PTK2B: variants seen among roughly 807,000 people sequenced by gnomAD.
PTK2B encodes the protein protein tyrosine kinase 2 beta, also known as protein-tyrosine kinase 2-beta.
In PTK2B, 71 loss-of-function variants were observed where a neutral mutation model predicts 142.9. The ratio of observed to expected loss-of-function variants is 0.50; its 90% confidence interval spans 0.41 to 0.61. The LOEUF (loss-of-function observed/expected upper bound fraction) is 0.61. Among genes scored for constraint, PTK2B ranks in the 20% least tolerant of loss-of-function variants. The pLI is 0.00. For synonymous variants in PTK2B, 519 were observed against 503.4 expected (o/e 1.03, Z -0.42); for missense variants, 1,105 against 1,320.4 (o/e 0.84, Z 2.53).
At chr8:27,415,123 G>A (rs561115915) in intron 2 of PTK2B, among the ~76,000 whole-genome samples, 2 of 152,226 alleles carry the variant, frequency 1.3e-5, no homozygotes, top group East Asian at 1.9e-4. Context: ...GCCAAGCACC[G>A]TTCTATGGAG....
intron 1 of PTK2B, among the ~76,000 whole-genome samples, chr8:27,368,645 C>G (rs1806159721): frequency 6.6e-6 from 1 of 152,242 alleles, no homozygotes; most frequent in African/African-American, 2.4e-5. Context: ...AGACACTTAG[C>G]AAACCCTCTG....
intron 1 of PTK2B, among the ~76,000 whole-genome samples, chr8:27,350,378 CCCAG>C (rs10555216): frequency 0.79 from 120,354 of 151,646 alleles, 48,409 homozygotes; most frequent in Middle Eastern, 0.87. Context: ...AGAGACTTCC[CCCAG>C]CCAGGCAATT....
At chr8:27,449,092 C>T (rs1811650831) in intron 24 of PTK2B, among the ~76,000 whole-genome samples, 1 of 152,158 alleles carries the variant, frequency 6.6e-6, no homozygotes, top group African/African-American at 2.4e-5. Context: ...TCGTACAATG[C>T]ACAGGAAATT....
At chr8:27,386,627 A>G (rs1049015503) in intron 1 of PTK2B, among the ~76,000 whole-genome samples, 5 of 152,142 alleles carry the variant, frequency 3.3e-5, no homozygotes, top group East Asian at 1.9e-4. Context: ...GTTTTATCCA[A>G]TTTGCATTAA....
intron 3 of PTK2B, among the ~76,000 whole-genome samples, chr8:27,314,440 TGTG>T (rs779909580): frequency 1.1e-4 from 16 of 152,102 alleles, no homozygotes; most frequent in Admixed American, 2.6e-4. Context: ...AACGGGCGCG[TGTG>T]GTGGTGTGCG....
intron 2 of PTK2B, among the ~76,000 whole-genome samples, chr8:27,411,644 T>C (rs1162946457): frequency 6.6e-6 from 1 of 152,242 alleles, no homozygotes; most frequent in African/African-American, 2.4e-5. Flanking sequence ...CCCTCGTTTG[T>C]ATGACTCCAA....
intron 1 of PTK2B, among the ~76,000 whole-genome samples, chr8:27,389,678 A>G (rs1807591215): frequency 1.3e-5 from 2 of 152,332 alleles, no homozygotes; most frequent in South Asian, 2.1e-4. Context: ...GTTTTGTATT[A>G]CATTCAATTA....
At chr8:27,355,456 C>T (rs528205535) in intron 1 of PTK2B, among the ~76,000 whole-genome samples, 69 of 152,202 alleles carry the variant, frequency 4.5e-4, no homozygotes, top group Middle Eastern at 6.8e-3. Context: ...AAGGATTCTC[C>T]CCTAGCACCC....
intron 22 of PTK2B, 22 bp from the exon 23 acceptor site, chr8:27,444,183 AC>A: frequency 6.3e-7 from 1 of 1,598,602 alleles, no homozygotes; most frequent in African/African-American, 1.3e-5. Context: ...ACAGAGACTG[AC>A]CCATCTGTGT....
chr8:27,376,950 G>A (rs538610538), intron 1 of PTK2B, among the ~76,000 whole-genome samples: 2 of 152,008 alleles, frequency 1.3e-5, no homozygotes, highest in African/African-American at 2.4e-5. Flanking sequence ...ATTCTTTCTT[G>A]TGTGAGATTC....
intron 1 of PTK2B, among the ~76,000 whole-genome samples, chr8:27,341,274 C>T (rs1046405105): frequency 6.6e-6 from 1 of 152,160 alleles, no homozygotes; most frequent in African/African-American, 2.4e-5. Context: ...GAAGGAAAGG[C>T]GGGCCCCCGT....
intron 2 of PTK2B, among the ~76,000 whole-genome samples, chr8:27,411,319 A>G (rs187258055): frequency 7.9e-5 from 12 of 152,174 alleles, no homozygotes; most frequent in African/African-American, 2.4e-4. Flanking sequence ...GCAAGAGCCA[A>G]TGCAGGTGAG....
At chr8:27,455,757 C>G (rs1261616945) in intron 30 of PTK2B, among the ~76,000 whole-genome samples, 2 of 152,244 alleles carry the variant, frequency 1.3e-5, no homozygotes, top group Non-Finnish European at 2.9e-5. Context: ...GACTTTTGCC[C>G]TTCAGAACTA....
upstream of PTK2B, among the ~76,000 whole-genome samples, chr8:27,321,813 G>A (rs1563455987): frequency 6.6e-6 from 1 of 152,158 alleles, no homozygotes; most frequent in Non-Finnish European, 1.5e-5. Context: ...GGAAAGAAAA[G>A]AGAAAGTTCT....
intron 6 of PTK2B, 78 bp downstream of exon 6, chr8:27,430,233 C>G: frequency 6.3e-7 from 1 of 1,578,190 alleles, no homozygotes; most frequent in South Asian, 1.1e-5. Context: ...TCTCCTCCAC[C>G]CCTCCCCAGA....
chr8:27,400,399 G>C (rs964490410), intron 2 of PTK2B, among the ~76,000 whole-genome samples: 2 of 150,734 alleles, frequency 1.3e-5, no homozygotes, highest in Admixed American at 1.3e-4. Context: ...CAATCATTTA[G>C]GGAACTTTTT....
upstream of PTK2B, among the ~76,000 whole-genome samples, chr8:27,325,040 C>T (rs1803330390): frequency 6.6e-6 from 1 of 152,204 alleles, no homozygotes; most frequent in Non-Finnish European, 1.5e-5. Context: ...TGGACCGGTT[C>T]TGCCAAAATC....
intron 2 of PTK2B, among the ~76,000 whole-genome samples, chr8:27,419,687 T>G (rs988820405): frequency 6.6e-6 from 1 of 152,258 alleles, no homozygotes; most frequent in Non-Finnish European, 1.5e-5. Context: ...TCAGTTCCTC[T>G]GTCTCTGCCT....
At chr8:27,329,659 T>TG (rs1803623994) in intron 1 of PTK2B, among the ~76,000 whole-genome samples, 1 of 152,008 alleles carries the variant, frequency 6.6e-6, no homozygotes, top group Non-Finnish European at 1.5e-5. Context: ...GGCTTGAGGA[T>TG]GAAGAGTTTC....
Sources: allele counts gnomAD v4.1 joint callset (sites outside exome capture counted in the v4.1 genomes callset), GRCh38; gene constraint gnomAD v4.1.1; transcripts MANE v1.5; gene names NCBI Gene and HGNC (gene_info 2026-07-23, HGNC 2026-07-21).